The following LAMP3 variants were observed in gnomAD, a reference collection of about 807,000 sequenced individuals.
LAMP3 encodes lysosome-associated membrane glycoprotein 3.
In LAMP3, 26 loss-of-function variants were observed where a neutral mutation model predicts 34.8. The ratio of observed to expected loss-of-function variants is 0.75; its 90% CI spans 0.55 to 1.04. The LOEUF (loss-of-function observed/expected upper bound fraction) is 1.04. Ranked by LOEUF, LAMP3 falls within the 50% of genes least tolerant of loss-of-function variation. The pLI is 0.00. For missense variants in LAMP3, 495 were observed against 524.0 expected, an observed-to-expected ratio of 0.94 and a Z score of 0.54; for synonymous variants, 180 against 201.9, an observed-to-expected ratio of 0.89 and a Z score of 0.92.
At chr3:183,127,728 G>A (rs577482399) in intron 5 of LAMP3, among the ~76,000 whole-genome samples, 2 of 152,240 alleles carry the variant, frequency 1.3e-5, no homozygotes, top group African/African-American at 4.8e-5. Context: ...TGTGAACAAC[G>A]TTTTGGTTGC....
chr3:183,161,243 C>G (rs1159368386), intron 1 of LAMP3, among the ~76,000 whole-genome samples: 2 of 152,286 alleles, frequency 1.3e-5, no homozygotes, highest in East Asian at 3.9e-4. Flanking sequence ...TGCCACCCCT[C>G]AAAGGCCTCC....
rs1478236826 is a variant in LAMP3, at chr3:183,122,380, ATGTGGACTTTTC to A, written c.*1689_*1700del. 2 of 152,216 alleles carry A rather than the reference ATGTGGACTTTTC, an allele frequency of 1.3e-5. No individual in the cohort carries two copies. Among genetic ancestry groups the A allele is most frequent in the African/African-American group, 4.8e-5 (2 of 41,462 alleles). The allele number at this position is 152,216 out of a possible 1,614,324, so 9.4% of individuals were successfully genotyped here. Reference sequence around the variant, plus strand: ...TTCCTTGACTAAGAATTCTAGGGTTATGTGGACTTTTCTGTTAACATCCTGACTTAGTTCCTT... The same window carrying A: ...TTCCTTGACTAAGAATTCTAGGGTTATGTTAACATCCTGACTTAGTTCCTT... On this transcript the variant is annotated 3_prime_UTR_variant, in exon 6 of 6. Transcript: ENST00000265598.
intron 1 of LAMP3, among the ~76,000 whole-genome samples, chr3:183,159,895 C>T (rs769071775): frequency 1.3e-4 from 20 of 152,116 alleles, no homozygotes; most frequent in Non-Finnish European, 2.5e-4. Context: ...TTTCTACAGC[C>T]CTTCTGTTTT....
At chr3:183,132,758 G>T in intron 5 of LAMP3, 1 of 985,440 alleles carries the variant, frequency 1.0e-6, no homozygotes, top group Non-Finnish European at 1.2e-6. Flanking sequence ...ACTTCAGGCT[G>T]AATATGATGC....
intron 5 of LAMP3, among the ~76,000 whole-genome samples, chr3:183,134,757 T>C (rs192853556): frequency 6.6e-6 from 1 of 152,362 alleles, no homozygotes; most frequent in East Asian, 1.9e-4. Context: ...TGCAATTTCA[T>C]GATGGAACCC....
intron 5 of LAMP3, among the ~76,000 whole-genome samples, chr3:183,124,457 A>G (rs1300979935): frequency 6.6e-6 from 1 of 152,268 alleles, no homozygotes; most frequent in Non-Finnish European, 1.5e-5. Flanking sequence ...AGTAATTAAC[A>G]TTCAATAATC....
At chr3:183,157,089 T>C (rs181121126) in intron 1 of LAMP3, among the ~76,000 whole-genome samples, 2 of 152,312 alleles carry the variant, frequency 1.3e-5, no homozygotes, top group African/African-American at 2.4e-5. Flanking sequence ...TTAAGCCCAG[T>C]AGTAAGACCT....
chr3:183,162,942 C>A, upstream of LAMP3: 1 of 434,534 alleles, frequency 2.3e-6, no homozygotes, highest in Non-Finnish European at 4.0e-6. Flanking sequence ...CCGCTCATAC[C>A]CTGGGTCTCC....
chr3:183,156,097 C>T (rs562025745), intron 1 of LAMP3, among the ~76,000 whole-genome samples: 5 of 152,288 alleles, frequency 3.3e-5, no homozygotes, highest in South Asian at 4.1e-4. Flanking sequence ...CGGTGGCTCA[C>T]GCCTGTAATC....
intron 3 of LAMP3, among the ~76,000 whole-genome samples, chr3:183,142,461 T>G (rs1720313309): frequency 1.3e-5 from 2 of 152,120 alleles, no homozygotes; most frequent in African/African-American, 4.8e-5. Flanking sequence ...CTGTGAGAGT[T>G]TCAGAATTCG....
At chr3:183,153,192 A>G (rs1250698950) in intron 2 of LAMP3, among the ~76,000 whole-genome samples, 12 of 147,994 alleles carry the variant, frequency 8.1e-5, no homozygotes, top group Middle Eastern at 3.6e-3. Flanking sequence ...AAAAAAAAAA[A>G]GAAAGAAAAT....
chr3:183,148,116 T>C (rs755949266), intron 3 of LAMP3, among the ~76,000 whole-genome samples: 4 of 152,186 alleles, frequency 2.6e-5, no homozygotes, highest in Non-Finnish European at 4.4e-5. Context: ...TGGGTATCTA[T>C]ATGCAGAACA....
At chr3:183,129,662 T>C (rs1466928490) in intron 5 of LAMP3, among the ~76,000 whole-genome samples, 2 of 152,250 alleles carry the variant, frequency 1.3e-5, no homozygotes, top group Non-Finnish European at 2.9e-5. Context: ...TACCTGGAAT[T>C]CACATTAAGT....
At chr3:183,161,161 C>T (rs1019645710) in intron 1 of LAMP3, among the ~76,000 whole-genome samples, 5 of 152,096 alleles carry the variant, frequency 3.3e-5, no homozygotes. Context: ...ACTGAGCACC[C>T]GAAAGGTTGG....
chr3:183,150,018 G>C (rs1338222434), intron 3 of LAMP3, among the ~76,000 whole-genome samples: 1 of 152,174 alleles, frequency 6.6e-6, no homozygotes, highest in Non-Finnish European at 1.5e-5. Context: ...TTGTGATGGG[G>C]AATGGAATGA....
At chr3:183,154,591 T>C (rs1230255305) in intron 1 of LAMP3, among the ~76,000 whole-genome samples, 200 bp from the exon 2 acceptor site, 1 of 152,182 alleles carries the variant, frequency 6.6e-6, no homozygotes, top group Non-Finnish European at 1.5e-5. Flanking sequence ...ATGTTCTGGT[T>C]GTATCCATGC....
At chr3:183,142,487 C>CT (rs894665885) in intron 3 of LAMP3, among the ~76,000 whole-genome samples, 3 of 152,066 alleles carry the variant, frequency 2.0e-5, no homozygotes, top group Admixed American at 2.0e-4. Context: ...TGCATGCTTT[C>CT]ACTGACATTG....
chr3:183,145,278 G>A (rs1191870514), intron 3 of LAMP3, among the ~76,000 whole-genome samples: 4 of 151,790 alleles, frequency 2.6e-5, no homozygotes, highest in South Asian at 4.2e-4. Context: ...ATGAAACTGC[G>A]GGAAAAAAAG....
At chr3:183,139,249 G>A (rs1233817977) in intron 4 of LAMP3, among the ~76,000 whole-genome samples, 1 of 152,024 alleles carries the variant, frequency 6.6e-6, no homozygotes, top group Non-Finnish European at 1.5e-5. Context: ...AATTAGCCAG[G>A]CGTGGTGACA....
Sources: allele counts gnomAD v4.1 joint callset (sites outside exome capture counted in the v4.1 genomes callset), GRCh38; gene constraint gnomAD v4.1.1; transcripts MANE v1.5; gene names NCBI Gene and HGNC (gene_info 2026-07-23, HGNC 2026-07-21).